The following RUNX1T1 variants were observed in gnomAD, a reference collection of about 807,000 sequenced individuals.
RUNX1T1 encodes protein CBFA2T1.
In RUNX1T1, 4 loss-of-function variants were observed where a neutral mutation model predicts 62.8. The observed-to-expected ratio is 0.06, with a 90% CI of 0.03 to 0.15. The LOEUF (loss-of-function observed/expected upper bound fraction) is 0.15. Among genes scored for constraint, RUNX1T1 ranks in the 10% least tolerant of loss-of-function variants. The probability of loss-of-function intolerance (pLI) is 1.00; values close to 1 mark genes in which losing one functional copy is unlikely to be tolerated. For synonymous variants in RUNX1T1, 291 were observed against 286.0 expected, an observed-to-expected ratio of 1.02 and a Z score of -0.18; for missense variants, 508 against 754.3, an observed-to-expected ratio of 0.67 and a Z score of 3.82.
chr8:91,970,730 C>T (rs751991890), exon 10 of RUNX1T1: 18 of 1,613,676 alleles, frequency 1.1e-5, no homozygotes, highest in Admixed American at 5.0e-5. Context: ...CCTCGGCGAC[C>T]GTGCGCTCCA....
chr8:92,091,620 T>G (rs1015221879), intron 1 of RUNX1T1, among the ~76,000 whole-genome samples: 1 of 152,168 alleles, frequency 6.6e-6, no homozygotes, highest in Non-Finnish European at 1.5e-5. Context: ...AATAAACTTT[T>G]TGTACACTGA....
intron 1 of RUNX1T1, among the ~76,000 whole-genome samples, chr8:92,035,027 C>G (rs905981357): frequency 6.6e-6 from 1 of 152,040 alleles, no homozygotes; most frequent in Admixed American, 6.6e-5. Context: ...GGTACAGTGG[C>G]TCATGCCCTG....
intron 2 of RUNX1T1, among the ~76,000 whole-genome samples, chr8:92,072,836 C>T (rs1008688408): frequency 1.3e-5 from 2 of 152,208 alleles, no homozygotes; most frequent in East Asian, 3.9e-4. Flanking sequence ...AATAACTTTC[C>T]TCTTCCTAAC....
intron 1 of RUNX1T1, among the ~76,000 whole-genome samples, chr8:92,035,219 C>T (rs866151883): frequency 4.0e-5 from 6 of 151,086 alleles, no homozygotes; most frequent in Non-Finnish European, 5.9e-5. Flanking sequence ...CGCTTGAACC[C>T]GGGAAGCAGA....
chr8:91,955,035 C>A (rs1586650288), downstream of RUNX1T1: 1 of 205,880 alleles, frequency 4.9e-6, no homozygotes, highest in East Asian at 7.4e-5. Context: ...TACAGAACAG[C>A]ACTCCTTTGC....
chr8:91,959,480 GTGTGTGTGTATATA>G (rs1563591755), exon 11 of RUNX1T1: 29 of 174,754 alleles, frequency 1.7e-4, no homozygotes, highest in African/African-American at 4.6e-4. Context: ...ATGTGCGTGT[GTGTGTGTGTATATA>G]TATATATATA....
rs67366711 is a variant in RUNX1T1, at chr8:91,981,404, C to CTTTTT, written c.1198+4715_1198+4719dup. On this transcript the variant is annotated intron_variant, in intron 8 of 10. Coordinates refer to ENST00000396218, the Ensembl canonical transcript of RUNX1T1. ...TTCAACAAACTCCTAAGTTACTAAGCTTTTTTTTTTTTTTTTTTTTTTTTT... is the reference window on the plus strand; with the variant it reads ...TTCAACAAACTCCTAAGTTACTAAGCTTTTTTTTTTTTTTTTTTTTTTTTTTTTTT... Among the ~76,000 whole-genome samples the CTTTTT allele has an allele frequency of 2.7e-3, 172 of 63,892 alleles. 38 individuals are homozygous for CTTTTT. Among genetic ancestry groups the CTTTTT allele is most frequent in the Non-Finnish European group, 3.0e-3 (105 of 34,722 alleles). 41.9% of individuals were successfully genotyped at this position (63,892 alleles called of 152,430 possible).
intron 1 of RUNX1T1, among the ~76,000 whole-genome samples, chr8:92,058,469 AG>A (rs1228584186): frequency 1.3e-5 from 2 of 152,370 alleles, no homozygotes; most frequent in East Asian, 3.9e-4. Context: ...GCATACGATG[AG>A]AGCGATCCAG....
At chr8:92,082,672 G>A (rs570792708) in intron 1 of RUNX1T1, among the ~76,000 whole-genome samples, 2 of 152,266 alleles carry the variant, frequency 1.3e-5, no homozygotes, top group Admixed American at 1.3e-4. Context: ...CGCATTGTGA[G>A]CCACGGCATC....
chr8:92,069,083 A>C (rs1284985978), intron 2 of RUNX1T1, among the ~76,000 whole-genome samples: 1 of 152,174 alleles, frequency 6.6e-6, no homozygotes, highest in East Asian at 1.9e-4. Flanking sequence ...GTCTATTCTT[A>C]AAAATAATGC....
At chr8:92,033,765 T>C (rs2131332336) in intron 1 of RUNX1T1, among the ~76,000 whole-genome samples, 1 of 151,222 alleles carries the variant, frequency 6.6e-6, no homozygotes, top group African/African-American at 2.4e-5. Context: ...AGGTTAGGAG[T>C]TCAAGACCAG....
chr8:92,048,604 G>A (rs1168698802), intron 1 of RUNX1T1, among the ~76,000 whole-genome samples: 1 of 151,974 alleles, frequency 6.6e-6, no homozygotes, highest in Non-Finnish European at 1.5e-5. Context: ...AAAGTAAGAA[G>A]ATAGAAAGAC....
At chr8:92,088,708 A>G (rs1274256752) in intron 1 of RUNX1T1, among the ~76,000 whole-genome samples, 1 of 152,120 alleles carries the variant, frequency 6.6e-6, no homozygotes, top group Non-Finnish European at 1.5e-5. Context: ...AACATCTCAC[A>G]GCTAGTTCTC....
rs74538722 is a variant in RUNX1T1 at position 91,982,837 on chromosome 8, G to T, written c.1198+3287C>A. Among the ~76,000 whole-genome samples, 980 of 150,246 alleles carry T rather than the reference G, an allele frequency of 6.5e-3. 12 individuals carry two copies. The highest frequency in any genetic ancestry group is 0.047 in the East Asian group (240 of 5,100). Reference sequence around the variant, plus strand: ...ATTTAAAGAATAGAAATACCATTATGAATTCAGTGTATACTCAGTGTTAAA... The same window carrying T: ...ATTTAAAGAATAGAAATACCATTATTAATTCAGTGTATACTCAGTGTTAAA... On this transcript the variant is annotated intron_variant, in intron 8 of 10. Coordinates refer to ENST00000396218, the Ensembl canonical transcript of RUNX1T1.
At chr8:91,985,986 G>A (rs957082488) in intron 8 of RUNX1T1, 138 bp downstream of exon 9, 1 of 706,042 alleles carries the variant, frequency 1.4e-6, no homozygotes, top group South Asian at 1.7e-5. Flanking sequence ...AGATAGACAA[G>A]ACATATTGGA....
intron 10 of RUNX1T1, 127 bp from the exon 12 acceptor site, chr8:91,960,644 A>ATACGTGAACACCT: frequency 1.9e-6 from 2 of 1,025,912 alleles, no homozygotes; most frequent in African/African-American, 1.6e-5. Context: ...TGAAAAATCC[A>ATACGTGAACACCT]GGTGTTCACG....
rs145635363 is a variant in RUNX1T1 at position 92,000,660 on chromosome 8, T to C, written c.659+4456A>G. 7.5e-3 allele frequency among the ~76,000 whole-genome samples: 1,148 copies of C among 152,288 alleles called. 7 individuals carry two copies. Among genetic ancestry groups the C allele is most frequent in the Middle Eastern group, 0.037 (11 of 294 alleles). On this transcript the variant is annotated intron_variant, in intron 5 of 10. Coordinates refer to ENST00000396218, the Ensembl canonical transcript of RUNX1T1. The stretch of plus-strand genomic sequence containing the variant: ...TTGGTGTGTACTGTCATAACAAATC[T>C]CACAAATACAACCAACATGATTTTA...
chr8:91,980,585 C>T (rs190920203), intron 8 of RUNX1T1, among the ~76,000 whole-genome samples: 3 of 152,288 alleles, frequency 2.0e-5, no homozygotes, highest in Admixed American at 2.0e-4. Flanking sequence ...TCCACTGTAA[C>T]TTCACAATCT....
At chr8:92,017,482 A>G (rs965409684) in intron 1 of RUNX1T1, 119 bp from the exon 3 acceptor site, 3 of 1,561,580 alleles carry the variant, frequency 1.9e-6, no homozygotes, top group Non-Finnish European at 2.6e-6. Context: ...CTATCAATAA[A>G]ATACACTTAT....
Sources: gnomAD v4.1 joint callset for allele counts (sites outside exome capture counted in the v4.1 genomes callset) on GRCh38, gnomAD v4.1.1 for gene constraint, MANE v1.5 for transcripts, NCBI Gene and HGNC (gene_info 2026-07-23, HGNC 2026-07-21) for gene names.